The following DAPK1 variants were observed in gnomAD, a reference collection of about 807,000 sequenced individuals.
DAPK1 encodes death-associated protein kinase 1.
Under a neutral mutation model 144.9 loss-of-function variants are expected in DAPK1, and 56 were observed. That is an observed-to-expected ratio of 0.39 (90% CI 0.31 to 0.48). The LOEUF (loss-of-function observed/expected upper bound fraction) is 0.48, where lower values mean the gene tolerates loss of function less well. Ranked by LOEUF, DAPK1 falls within the 20% of genes least tolerant of loss-of-function variation. The pLI, the probability that DAPK1 is intolerant of heterozygous loss-of-function variation, is 0.95. For synonymous variants in DAPK1, 690 were observed against 749.0 expected (o/e 0.92, Z 1.29); for missense variants, 1,454 against 1,875.4 (o/e 0.78, Z 4.15).
chr9:87,592,304 C>T (rs1828166476), intron 2 of DAPK1, among the ~76,000 whole-genome samples: 1 of 152,222 alleles, frequency 6.6e-6, no homozygotes, highest in African/African-American at 2.4e-5. Flanking sequence ...GGTCATTCCT[C>T]CTTCTCGCCC....
intron 3 of DAPK1, chr9:87,632,845 T>A: frequency 1.0e-6 from 1 of 970,400 alleles, no homozygotes; most frequent in Non-Finnish European, 1.2e-6. Context: ...TGAAGGATGA[T>A]GAGTACCTAT....
intron 2 of DAPK1, among the ~76,000 whole-genome samples, chr9:87,597,849 AC>A (rs1349308084): frequency 5.3e-5 from 8 of 151,996 alleles, no homozygotes; most frequent in African/African-American, 1.9e-4. Flanking sequence ...CCTCTCGGAA[AC>A]CCTGTCCCTA....
Position 87,706,676 on chromosome 9 carries a change from A to G in DAPK1, c.3605A>G (p.Glu1202Gly). The change falls in exon 26 of 26, where the codon GAG (glutamate) becomes GGG (glycine). Residue 1202 changes from glutamate (E) to glycine (G), a missense_variant. Physicochemically the swap from Glu to Gly is moderately conservative, Grantham distance 98 (BLOSUM62 -2). Coordinates refer to ENST00000408954, the MANE Select transcript of DAPK1 (RefSeq NM_004938.4). This position sits in a 1 kb window ranked among gnomAD's most constrained non-coding sequence, Gnocchi z 9.0. ...ATTGAGGTCCAGGTCCGCGGCCTGG[A>G]GACGGAGAAGATCAAGTGCTGCCTG... ...QGIEVQVRGL[E>G]TEKIKCCLLL... is the part of the protein sequence containing the mutation. 1 of 1,612,030 alleles carries G rather than the reference A, an allele frequency of 6.2e-7. No homozygotes were observed. The highest frequency in any genetic ancestry group is 8.5e-7 in the Non-Finnish European group (1 of 1,179,036).
At chr9:87,576,468 T>TG (rs1827564468) in intron 2 of DAPK1, among the ~76,000 whole-genome samples, 1 of 152,204 alleles carries the variant, frequency 6.6e-6, no homozygotes, top group Admixed American at 6.5e-5. Flanking sequence ...CAGGCTTGGG[T>TG]GACTGGTGAG....
At chr9:87,637,810 C>G (rs1829953940) in intron 3 of DAPK1, 133 bp from the exon 4 acceptor site, 1 of 966,790 alleles carries the variant, frequency 1.0e-6, no homozygotes, top group South Asian at 2.2e-5. Context: ...AATTCTGAAT[C>G]CATGCTTGGC....
Position 87,576,614 on chromosome 9 carries a change from A to G in DAPK1, c.63-28340A>G, listed in dbSNP as rs1007730345. ...TCTCTATTTCCCAGGCTGGAGTGCA[A>G]TGGCGCTATCTCGGCTCACTGCAAC... On this transcript the variant is annotated intron_variant, in intron 2 of 25. Coordinates refer to ENST00000408954, the MANE Select transcript of DAPK1 (RefSeq NM_004938.4). 2.6e-5 allele frequency among the ~76,000 whole-genome samples: 4 copies of G among 151,962 alleles called. No homozygotes were observed. In the South Asian group the frequency reaches 6.2e-4, roughly 24 times the overall value.
intron 3 of DAPK1, among the ~76,000 whole-genome samples, chr9:87,631,580 G>A (rs1289900285): frequency 6.6e-6 from 1 of 152,186 alleles, no homozygotes; most frequent in East Asian, 1.9e-4. Flanking sequence ...AATAAAGGAG[G>A]TTAACTTGCT....
At chr9:87,623,418 G>A (rs1175369788) in intron 3 of DAPK1, among the ~76,000 whole-genome samples, 4 of 152,178 alleles carry the variant, frequency 2.6e-5, no homozygotes, top group Admixed American at 6.5e-5. Flanking sequence ...GGATCCCAAA[G>A]TATTTCCAAA....
intron 14 of DAPK1, 43 bp downstream of exon 14, chr9:87,647,446 T>C: frequency 6.6e-7 from 1 of 1,523,756 alleles, no homozygotes; most frequent in Non-Finnish European, 9.1e-7. Context: ...TGGTAGTAAA[T>C]GGATGCATGT....
chr9:87,658,013 T>C lies in DAPK1; in HGVS notation c.1825-16T>C, dbSNP rs1460740765. On this transcript the variant is annotated splice_polypyrimidine_tract_variant and intron_variant, in intron 17 of 25. Transcript: ENST00000408954. ...CGTGAGAAGAACGACCTTTGGCCTTTTTTCTCTCTTCCCAGTATGGGCGAA... is the reference window on the plus strand; with the variant it reads ...CGTGAGAAGAACGACCTTTGGCCTTCTTTCTCTCTTCCCAGTATGGGCGAA... The C allele has an allele frequency of 5.6e-6, 6 of 1,069,360 alleles. No homozygotes were observed. Among genetic ancestry groups the C allele is most frequent in the Non-Finnish European group, 4.4e-6 (3 of 687,952 alleles). The allele number at this position is 1,069,360 out of a possible 1,614,324, so 66.2% of individuals were successfully genotyped here.
At chr9:87,499,883 T>G (rs935480602) in intron 2 of DAPK1, among the ~76,000 whole-genome samples, 10 of 152,216 alleles carry the variant, frequency 6.6e-5, no homozygotes, top group Non-Finnish European at 1.5e-4. Context: ...GACTGTGTAT[T>G]AGACAGAGTG....
chr9:87,505,724 C>T (rs1277159509), intron 2 of DAPK1, among the ~76,000 whole-genome samples: 2 of 152,040 alleles, frequency 1.3e-5, no homozygotes, highest in African/African-American at 2.4e-5. Flanking sequence ...AAGTCTTGCT[C>T]TGTTGCCCAG....
intron 3 of DAPK1, among the ~76,000 whole-genome samples, chr9:87,618,313 A>G (rs1195807292): frequency 6.6e-6 from 1 of 152,204 alleles, no homozygotes; most frequent in Admixed American, 6.5e-5. Context: ...AGAAATTGTA[A>G]TGCTCAAACA....
intron 19 of DAPK1, among the ~76,000 whole-genome samples, chr9:87,671,169 C>T (rs917668434): frequency 2.0e-5 from 3 of 152,138 alleles, no homozygotes; most frequent in Non-Finnish European, 4.4e-5. Context: ...TGCAAAGCAC[C>T]TTGCTGCGGC....
chr9:87,643,366 TAAA>T lies in DAPK1; in HGVS notation c.919-4_919-2del. 7.4e-7 allele frequency: 1 copy of T among 1,349,438 alleles called. No homozygotes were observed. Among genetic ancestry groups the T allele is most frequent in the Non-Finnish European group, 9.8e-7 (1 of 1,018,378 alleles). 83.6% of individuals were successfully genotyped at this position (1,349,438 alleles called of 1,614,324 possible). A position where few individuals can be genotyped will look rare whatever the true frequency, so the allele number is the denominator to read the frequency against. On this transcript the variant is annotated splice_polypyrimidine_tract_variant and splice_region_variant and intron_variant, in intron 10 of 25. Coordinates refer to ENST00000408954, the MANE Select transcript of DAPK1 (RefSeq NM_004938.4). ...CCCTCCCTTTTTTTTTTTTTTTTTT[TAAA>T]AAAAAGCAATCCGTTCGCTTGATAT... is the stretch of plus-strand genomic sequence containing the variant.
intron 25 of DAPK1, 102 bp downstream of exon 25, chr9:87,703,319 T>G: frequency 1.5e-6 from 1 of 661,326 alleles, no homozygotes; most frequent in Non-Finnish European, 2.7e-6. Flanking sequence ...GGGGAAGCAG[T>G]GTGGAAATGG....
chr9:87,674,428 T>C (rs1419773095), intron 19 of DAPK1, among the ~76,000 whole-genome samples: 1 of 146,068 alleles, frequency 6.8e-6, no homozygotes, highest in Non-Finnish European at 1.5e-5. Context: ...GGCAGTAGAA[T>C]CGCTTGAACC....
At chr9:87,571,493 A>ACACACACACCC (rs1564001003) in intron 2 of DAPK1, among the ~76,000 whole-genome samples, 1 of 47,040 alleles carries the variant, frequency 2.1e-5, no homozygotes, top group Non-Finnish European at 3.7e-5. Context: ...ACACACACAC[A>ACACACACACCC]CCCCAACACA....
intron 2 of DAPK1, among the ~76,000 whole-genome samples, chr9:87,555,018 C>G (rs990886757): frequency 6.6e-6 from 1 of 152,190 alleles, no homozygotes; most frequent in Admixed American, 6.5e-5. Context: ...CATGGAGGAA[C>G]CCTGCAGGGA....
Sources: allele counts gnomAD v4.1 joint callset (sites outside exome capture counted in the v4.1 genomes callset), GRCh38; gene constraint gnomAD v4.1.1; non-coding constraint Gnocchi (gnomAD v3.1); transcripts MANE v1.5; gene names NCBI Gene and HGNC (gene_info 2026-07-23, HGNC 2026-07-21).